TRPM4: variants seen among roughly 807,000 people sequenced by gnomAD.
TRPM4 encodes transient receptor potential cation channel subfamily M member 4.
Under a neutral mutation model 135.6 loss-of-function variants are expected in TRPM4, and 124 were observed. The observed-to-expected ratio is 0.91, with a 90% CI of 0.79 to 1.06. The LOEUF is 1.06. Among genes scored for constraint, TRPM4 ranks in the 50% least tolerant of loss-of-function variants. The probability of loss-of-function intolerance (pLI) is 0.00; values close to 1 mark genes in which losing one functional copy is unlikely to be tolerated. For synonymous variants in TRPM4, 745 were observed against 705.6 expected (o/e 1.06, Z -0.88); for missense variants, 1,658 against 1,671.4 (o/e 0.99, Z 0.14).
At chr19:49,181,246 G>A in intron 9 of TRPM4, 103 bp from the exon 10 acceptor site, 1 of 862,850 alleles carries the variant, frequency 1.2e-6, no homozygotes, top group Non-Finnish European at 2.0e-6. Context: ...ACCCCTTTAT[G>A]CAGAGTTTAA....
intron 20 of TRPM4, among the ~76,000 whole-genome samples, chr19:49,203,379 C>T (rs181583075): frequency 1.4e-4 from 21 of 152,066 alleles, no homozygotes; most frequent in Admixed American, 1.2e-3. Flanking sequence ...TGGGGTTTCA[C>T]CGTGTTAGCC....
intron 19 of TRPM4, 111 bp downstream of exon 19, chr19:49,200,896 C>A: frequency 1.6e-6 from 2 of 1,243,228 alleles, no homozygotes; most frequent in Non-Finnish European, 2.3e-6. Context: ...CTCTGTCTCC[C>A]TCTTTCTCTG....
chr19:49,178,687 G>A (rs1020109963), intron 9 of TRPM4, among the ~76,000 whole-genome samples: 4 of 152,104 alleles, frequency 2.6e-5, no homozygotes, highest in Non-Finnish European at 4.4e-5. Flanking sequence ...GGCCAGGGTC[G>A]AGTGCCCAGG....
At position 49,200,468 on chromosome 19, in the gene TRPM4, T is replaced by G. The variant is rs371593768; in HGVS notation, c.2778+36T>G. The G allele has an allele frequency of 3.0e-5, 48 of 1,573,978 alleles. No individual in the cohort carries two copies. The African/African-American group carries it at 6.8e-4, about 22-fold the overall frequency. Reference sequence around the variant, plus strand: ...GGCGGGGCCAAAGTGGGCGGGGACATAGGGAAAGGGGTGGGGCCAGGGAGG... The same window carrying G: ...GGCGGGGCCAAAGTGGGCGGGGACAGAGGGAAAGGGGTGGGGCCAGGGAGG... On this transcript the variant is annotated intron_variant, in intron 18 of 24. Transcript: ENST00000252826.
intron 10 of TRPM4, among the ~76,000 whole-genome samples, chr19:49,182,057 TATCCATCCATCCATCC>T (rs753427789): frequency 7.7e-6 from 1 of 130,278 alleles, no homozygotes; most frequent in Admixed American, 7.4e-5. Context: ...TCCATCCATT[TATCCATCCATCCATCC>T]ATCCATCCAT....
At position 49,210,078 on chromosome 19, in the gene TRPM4, C is replaced by A; in HGVS notation, c.3132-131C>A. ...CCTGACTTCTAATCGCATCCTGTAA[C>A]CTCTGACTTTAGTGATCTTGACTTC... On this transcript the variant is annotated intron_variant, in intron 20 of 24. Transcript: ENST00000252826. The surrounding 1 kb of genome is among the most constrained non-coding windows in gnomAD (Gnocchi z 4.1). 9.7e-7 allele frequency: 1 copy of A among 1,028,972 alleles called. No homozygotes were observed. Among genetic ancestry groups the A allele is most frequent in the African/African-American group, 1.6e-5 (1 of 63,738 alleles). 63.7% of individuals were successfully genotyped at this position (1,028,972 alleles called of 1,614,324 possible).
At chr19:49,166,271 C>T (rs1967174930) in intron 3 of TRPM4, 56 bp downstream of exon 3, 2 of 1,522,572 alleles carry the variant, frequency 1.3e-6, no homozygotes, top group Non-Finnish European at 1.8e-6. Context: ...ATGCTCGGGG[C>T]TCCAGAGTGG....
intron 16 of TRPM4, among the ~76,000 whole-genome samples, chr19:49,191,111 G>A (rs1968395518): frequency 2.0e-5 from 3 of 152,050 alleles, no homozygotes; most frequent in Admixed American, 1.3e-4. Flanking sequence ...GTCTCCAAAG[G>A]GATGGTGCTG....
chr19:49,176,214 G>A (rs956559710), intron 9 of TRPM4, among the ~76,000 whole-genome samples: 3 of 151,854 alleles, frequency 2.0e-5, no homozygotes, highest in African/African-American at 7.3e-5. Context: ...GTGAGCCACC[G>A]CGCCCGGCCT....
At chr19:49,197,850 ATT>A (rs901776973) in intron 17 of TRPM4, among the ~76,000 whole-genome samples, 1 of 150,504 alleles carries the variant, frequency 6.6e-6, no homozygotes, top group Non-Finnish European at 1.5e-5. Context: ...ACCTAGCTAA[ATT>A]TTTTTTGTAT....
chr19:49,171,233 T>C lies in TRPM4; in HGVS notation c.797-124T>C. ...GTAAAAAAAGAAATGACAATTCCAA[T>C]GAGCCTCTGAACAGAAGATTAGGAC... On this transcript the variant is annotated intron_variant, in intron 6 of 24. Transcript: ENST00000252826. This position sits in a 1 kb window ranked among gnomAD's most constrained non-coding sequence, Gnocchi z 4.7. 4 of 996,518 alleles carry C rather than the reference T, an allele frequency of 4.0e-6. No homozygotes were observed. Among genetic ancestry groups the C allele is most frequent in the Non-Finnish European group, 4.8e-6 (3 of 629,392 alleles). 61.7% of individuals were successfully genotyped at this position (996,518 alleles called of 1,614,324 possible).
chr19:49,189,231 C>T (rs748017707), intron 14 of TRPM4, 140 bp downstream of exon 14: 77 of 1,306,564 alleles, frequency 5.9e-5, no homozygotes, highest in Non-Finnish European at 7.4e-5. Context: ...TCTCTCTTCT[C>T]TCTCAGAAAG....
chr19:49,178,201 T>C (rs768257553), intron 9 of TRPM4, among the ~76,000 whole-genome samples: 1 of 152,158 alleles, frequency 6.6e-6, no homozygotes, highest in Non-Finnish European at 1.5e-5. Flanking sequence ...TGTGCGCCTG[T>C]AGTCCCAGCT....
chr19:49,199,247 T>C (rs1033658941), intron 17 of TRPM4, among the ~76,000 whole-genome samples: 4 of 139,430 alleles, frequency 2.9e-5, no homozygotes, highest in Admixed American at 2.8e-4. Flanking sequence ...CCTTGTTTTT[T>C]TTTTGGTTTT....
intron 20 of TRPM4, among the ~76,000 whole-genome samples, chr19:49,205,857 G>A (rs1178982010): frequency 5.9e-5 from 9 of 151,900 alleles, no homozygotes; most frequent in Admixed American, 5.9e-4. Context: ...TATCTTTAGC[G>A]GGATACAATT....
At position 49,210,566 on chromosome 19, in the gene TRPM4, G is replaced by A; in HGVS notation, c.3329-144G>A. ...CGGAGCTTAAGCACTGAGGGGCAGT[G>A]CTTACGGGTGAGGGGCGGGGCATGT... On this transcript the variant is annotated intron_variant, in intron 21 of 24. Transcript: ENST00000252826. The surrounding 1 kb of genome is among the most constrained non-coding windows in gnomAD (Gnocchi z 4.1). 2.1e-6 allele frequency: 3 copies of A among 1,446,062 alleles called. No homozygotes were observed. The highest frequency in any genetic ancestry group is 2.9e-6 in the Non-Finnish European group (3 of 1,045,704). The allele number at this position is 1,446,062 out of a possible 1,614,324, so 89.6% of individuals were successfully genotyped here.
At chr19:49,205,526 C>CTTT (rs576873516) in intron 20 of TRPM4, among the ~76,000 whole-genome samples, 19 of 126,984 alleles carry the variant, frequency 1.5e-4, no homozygotes, top group Non-Finnish European at 2.4e-4. Context: ...ATGACTTCAA[C>CTTT]TTTTTTTTTT....
intron 3 of TRPM4, among the ~76,000 whole-genome samples, chr19:49,167,402 C>G (rs1416224364): frequency 9.6e-6 from 1 of 104,162 alleles, no homozygotes. Flanking sequence ...TCTGTTTCCC[C>G]TTTACTCTGG....
Position 49,172,089 on chromosome 19 carries a change from T to C in TRPM4, c.1131T>C (p.Val377=). 6.2e-7 allele frequency: 1 copy of C among 1,613,836 alleles called. No homozygotes were observed. Among genetic ancestry groups the C allele is most frequent in the East Asian group, 2.2e-5 (1 of 44,878 alleles). ...GGTCTGAGGAATTCGAGACCATAGT[T>C]TTGAAGGCCCTTGTGAAGGGTAAAA... is the stretch of plus-strand genomic sequence containing the variant. ...EDGSEEFETI[V]LKALVKACGS... Residue 377 remains valine (V), a synonymous_variant, in exon 9 of 25, where the codon GTT becomes GTC. Coordinates refer to ENST00000252826, the MANE Select transcript of TRPM4 (RefSeq NM_017636.4).
Sources: allele counts gnomAD v4.1 joint callset (sites outside exome capture counted in the v4.1 genomes callset), GRCh38; gene constraint gnomAD v4.1.1; non-coding constraint Gnocchi (gnomAD v3.1); transcripts MANE v1.5; gene names NCBI Gene and HGNC (gene_info 2026-07-23, HGNC 2026-07-21).